Variants in POC1B observed in about 807,000 individuals in gnomAD.
POC1B encodes the protein POC1 centriolar protein homolog B.
Under a neutral mutation model 60.6 loss-of-function variants are expected in POC1B, and 44 were observed. The observed-to-expected ratio is 0.73, with a 90% CI of 0.57 to 0.93. The LOEUF is 0.93. Ranked by LOEUF, POC1B falls within the 40% of genes least tolerant of loss-of-function variation. POC1B has a pLI of 0.00. For synonymous variants in POC1B, 180 were observed against 198.9 expected, an observed-to-expected ratio of 0.90 and a Z score of 0.80; for missense variants, 555 against 572.3, an observed-to-expected ratio of 0.97 and a Z score of 0.31.
chr12:89,500,270 C>A, intron 2 of POC1B: 20 of 1,546,348 alleles, frequency 1.3e-5, no homozygotes, highest in Non-Finnish European at 1.8e-5. Flanking sequence ...AAAATCAGTG[C>A]TTAATTCAAC....
chr12:89,415,599 C>T (rs1224843645), downstream of POC1B, among the ~76,000 whole-genome samples: 1 of 151,214 alleles, frequency 6.6e-6, no homozygotes, highest in Non-Finnish European at 1.5e-5. Flanking sequence ...GCCGAGATCG[C>T]GCCACTGCAC....
chr12:89,505,868 C>A (rs756539002), intron 2 of POC1B, among the ~76,000 whole-genome samples: 19 of 152,092 alleles, frequency 1.2e-4, no homozygotes, highest in Non-Finnish European at 1.5e-4. Context: ...GACTAGACTG[C>A]GAGCCTTGGA....
chr12:89,410,317 G>C, the POC1B span, among the ~76,000 whole-genome samples: 1 of 152,144 alleles, frequency 6.6e-6, no homozygotes, highest in African/African-American at 2.4e-5. Flanking sequence ...AAAATAATAA[G>C]AGATATTTAT....
At chr12:89,468,675 T>C (rs902907548) in intron 7 of POC1B, among the ~76,000 whole-genome samples, 1 of 151,560 alleles carries the variant, frequency 6.6e-6, no homozygotes, top group South Asian at 2.1e-4. Flanking sequence ...CTTTTATTTG[T>C]TATGTTTATT....
chr12:89,523,414 G>C (rs1871102404), intron 2 of POC1B: 2 of 1,613,922 alleles, frequency 1.2e-6, no homozygotes, highest in Admixed American at 3.3e-5. Flanking sequence ...TGCCCGAGCA[G>C]TATTCTGTAG....
chr12:89,522,602 A>G (rs1305288139), intron 2 of POC1B: 2 of 463,070 alleles, frequency 4.3e-6, no homozygotes, highest in Non-Finnish European at 7.1e-6. Flanking sequence ...TAAAACAACC[A>G]ATAAGTAAGG....
intron 8 of POC1B, among the ~76,000 whole-genome samples, 164 bp downstream of exon 8, chr12:89,467,451 GCT>G (rs1882725887): frequency 6.6e-6 from 1 of 152,118 alleles, no homozygotes; most frequent in Admixed American, 6.5e-5. Flanking sequence ...TTTAGAACTG[GCT>G]CTGTTTCAGC....
At position 89,525,563 on chromosome 12, in the gene POC1B, T is replaced by C. The variant is rs1871393217; in HGVS notation, c.15+318A>G. On this transcript the variant is annotated intron_variant, in intron 1 of 11. Transcript: ENST00000313546. Reference sequence around the variant, plus strand: ...CTCGGCTTTGGTACTTTTTTTTTTTTTAATACTTCCTAGGTGATTCTGACG... The same window carrying C: ...CTCGGCTTTGGTACTTTTTTTTTTTCTAATACTTCCTAGGTGATTCTGACG... 7 of 1,289,978 alleles carry C rather than the reference T, an allele frequency of 5.4e-6. No individual in the cohort carries two copies. In the Admixed American group the frequency reaches 1.5e-4, roughly 28 times the overall value. 79.9% of individuals were successfully genotyped at this position (1,289,978 alleles called of 1,614,324 possible).
Position 89,497,262 on chromosome 12 carries a change from C to G in POC1B, c.181G>C (p.Asp61His), listed in dbSNP as rs1360350728. 6.2e-7 allele frequency: 1 copy of G among 1,613,418 alleles called. No individual in the cohort carries two copies. Among genetic ancestry groups the G allele is most frequent in the Non-Finnish European group, 8.5e-7 (1 of 1,179,882 alleles). ...GAAAACTGCACGCTGGTTACAACATCCTTGTGACCCACATATCTGTAAGCT... is the reference window on the plus strand; with the variant it reads ...GAAAACTGCACGCTGGTTACAACATGCTTGTGACCCACATATCTGTAAGCT... The part of the protein sequence containing the change: ...ARAYRYVGHK[D>H]VVTSVQFSPH... The change falls in exon 3 of 12, where the codon GAT becomes CAT. Residue 61 changes from aspartate (D) to histidine (H), a missense_variant. Asp to His is a moderately conservative substitution (Grantham distance 81, BLOSUM62 -1). Coordinates refer to ENST00000313546, the MANE Select transcript of POC1B (RefSeq NM_172240.3).
At chr12:89,494,188 C>T (rs1480050929) in intron 3 of POC1B, among the ~76,000 whole-genome samples, 7 of 152,038 alleles carry the variant, frequency 4.6e-5, no homozygotes, top group Non-Finnish European at 8.8e-5. Flanking sequence ...TATAGGTGTG[C>T]ATCACCATGC....
intron 2 of POC1B, chr12:89,502,440 A>T (rs1869621323): frequency 1.6e-6 from 2 of 1,289,252 alleles, no homozygotes; most frequent in African/African-American, 1.5e-5. Flanking sequence ...CAGGCAAAAT[A>T]TCGTCTAAAA....
At chr12:89,422,186 C>T (rs1271846062) in intron 11 of POC1B, among the ~76,000 whole-genome samples, 1 of 152,146 alleles carries the variant, frequency 6.6e-6, no homozygotes, top group East Asian at 1.9e-4. Context: ...TGCCAGCCAC[C>T]CCAGAGGAGC....
chr12:89,444,653 T>C (rs1268656516), intron 10 of POC1B, among the ~76,000 whole-genome samples: 5 of 152,204 alleles, frequency 3.3e-5, no homozygotes, highest in Non-Finnish European at 7.3e-5. Context: ...AATATCATAC[T>C]GAATGGGCAA....
chr12:89,511,465 A>G (rs1430016774), intron 2 of POC1B, among the ~76,000 whole-genome samples: 1 of 152,148 alleles, frequency 6.6e-6, no homozygotes, highest in Non-Finnish European at 1.5e-5. Context: ...TCATATAGAA[A>G]TCCTTGGATT....
the POC1B span, among the ~76,000 whole-genome samples, chr12:89,402,462 G>A: frequency 2.0e-5 from 3 of 151,708 alleles, no homozygotes; most frequent in Non-Finnish European, 4.4e-5. Context: ...GACAGATTTT[G>A]TTACCCAGGT....
chr12:89,445,295 C>T (rs11105291), intron 10 of POC1B, among the ~76,000 whole-genome samples: 26,425 of 152,074 alleles, frequency 0.17, 3,003 homozygotes, highest in South Asian at 0.36. Context: ...GCTCATATTG[C>T]CAAGACAATC....
intron 2 of POC1B, chr12:89,521,624 A>G (rs892866656): frequency 4.6e-5 from 8 of 174,132 alleles, no homozygotes; most frequent in Admixed American, 1.3e-4. Flanking sequence ...CATTTTACCA[A>G]TGAGAAAACT....
intron 4 of POC1B, among the ~76,000 whole-genome samples, chr12:89,473,721 A>G (rs886107415): frequency 3.3e-5 from 5 of 151,292 alleles, no homozygotes; most frequent in African/African-American, 1.2e-4. Context: ...AAAATTTTCC[A>G]TGCTGGGTAG....
chr12:89,469,831 T>C (rs948353322), intron 7 of POC1B, among the ~76,000 whole-genome samples: 1 of 152,242 alleles, frequency 6.6e-6, no homozygotes, highest in East Asian at 1.9e-4. Flanking sequence ...AAGATACACA[T>C]TGATTTTGAT....
Sources: gnomAD v4.1 joint callset for allele counts (sites outside exome capture counted in the v4.1 genomes callset) on GRCh38, gnomAD v4.1.1 for gene constraint, MANE v1.5 for transcripts, NCBI Gene and HGNC (gene_info 2026-07-23, HGNC 2026-07-21) for gene names.